TUSC3: variants seen among roughly 807,000 people sequenced by gnomAD.
The protein encoded by TUSC3 is dolichyl-diphosphooligosaccharide--protein glycosyltransferase subunit TUSC3.
A neutral mutation model predicts 44.8 loss-of-function variants in TUSC3; 45 were observed. The observed-to-expected ratio is 1.00, with a 90% CI of 0.79 to 1.29. TUSC3 has a LOEUF of 1.29. Among genes scored for constraint, TUSC3 ranks in the 50% most tolerant of loss-of-function variants. The probability of loss-of-function intolerance (pLI) is 0.00; values close to 1 mark genes in which losing one functional copy is unlikely to be tolerated. For synonymous variants in TUSC3, 212 were observed against 152.9 expected (o/e 1.39, Z -2.85); for missense variants, 519 against 437.9 (o/e 1.19, Z -1.65).
intron 1 of TUSC3, among the ~76,000 whole-genome samples, chr8:15,583,047 A>G (rs1317367490): frequency 3.9e-5 from 6 of 152,204 alleles, no homozygotes; most frequent in South Asian, 2.1e-4. Context: ...CTAGGTGACC[A>G]TGAAGTTGAT....
intron 1 of TUSC3, among the ~76,000 whole-genome samples, chr8:15,576,110 T>A (rs1015676706): frequency 3.3e-5 from 5 of 151,802 alleles, no homozygotes; most frequent in Admixed American, 6.6e-5. Context: ...TAATTAATGA[T>A]CTCTTGTTAA....
chr8:15,711,788 A>G (rs1157825998), intron 6 of TUSC3, among the ~76,000 whole-genome samples: 1 of 151,876 alleles, frequency 6.6e-6, no homozygotes, highest in African/African-American at 2.4e-5. Context: ...TGTATATTTA[A>G]GCTTTCCACT....
chr8:15,758,291 G>A (rs1390649361), intron 10 of TUSC3: 4 of 970,124 alleles, frequency 4.1e-6, no homozygotes, highest in Non-Finnish European at 2.5e-6. Flanking sequence ...TTAACTTACT[G>A]AAAACTTTTT....
chr8:15,662,477 C>T lies in TUSC3; in HGVS notation c.708+181C>T, dbSNP rs868496629. Among the ~76,000 whole-genome samples the T allele has an allele frequency of 5.1e-5, 5 of 98,360 alleles. No homozygotes were observed. The Middle Eastern group carries it at 0.015, about 289-fold the overall frequency. 64.5% of individuals were successfully genotyped at this position (98,360 alleles called of 152,430 possible). A position where few individuals can be genotyped will look rare whatever the true frequency, so the allele number is the denominator to read the frequency against. On this transcript the variant is annotated intron_variant, in intron 5 of 10. Transcript: ENST00000503731. ...CTGTCAATCAAAACTGTGCTATCTT[C>T]CTTCAACTTTTCACTGCATGTACTG...
At chr8:15,734,003 A>C (rs1043857953) in intron 7 of TUSC3, among the ~76,000 whole-genome samples, 1 of 152,188 alleles carries the variant, frequency 6.6e-6, no homozygotes, top group Admixed American at 6.5e-5. Context: ...GTGCTCACAC[A>C]CTACACTTGA....
chr8:15,492,535 G>A (rs151001726), intron 2 of TUSC3, among the ~76,000 whole-genome samples: 2 of 152,234 alleles, frequency 1.3e-5, no homozygotes, highest in Admixed American at 6.5e-5. Context: ...ACTTGAGGTG[G>A]TAAGAGACCT....
At chr8:15,757,719 G>A (rs995546628) in intron 9 of TUSC3, 72 bp from the exon 10 acceptor site, 8 of 1,467,638 alleles carry the variant, frequency 5.5e-6, no homozygotes, top group Non-Finnish European at 6.7e-6. Flanking sequence ...TAATAATATT[G>A]TACAAATGGA....
chr8:15,436,613 G>C (rs181975491), intron 1 of TUSC3, among the ~76,000 whole-genome samples: 18 of 152,144 alleles, frequency 1.2e-4, no homozygotes, highest in African/African-American at 4.3e-4. Flanking sequence ...TTAATCATGG[G>C]TTCAGATTGT....
intron 2 of TUSC3, among the ~76,000 whole-genome samples, chr8:15,511,269 G>A (rs1392258487): frequency 1.3e-5 from 2 of 151,986 alleles, no homozygotes; most frequent in East Asian, 1.9e-4. Context: ...AGAAAGGAAG[G>A]AGGAAGGAAG....
At chr8:15,627,986 C>A (rs902368514) in intron 2 of TUSC3, among the ~76,000 whole-genome samples, 1 of 152,256 alleles carries the variant, frequency 6.6e-6, no homozygotes, top group East Asian at 1.9e-4. Context: ...TCTGGCGAAG[C>A]GACACCCCAA....
At chr8:15,533,221 G>A (rs1000342396) in intron 2 of TUSC3, among the ~76,000 whole-genome samples, 2 of 152,202 alleles carry the variant, frequency 1.3e-5, no homozygotes, top group African/African-American at 2.4e-5. Flanking sequence ...ACATGGAACT[G>A]TAAGTCCATT....
chr8:15,511,940 C>T (rs1450868032), intron 2 of TUSC3, among the ~76,000 whole-genome samples: 1 of 151,936 alleles, frequency 6.6e-6, no homozygotes, highest in Non-Finnish European at 1.5e-5. Context: ...ATCAATTGAT[C>T]CTAAATTTAT....
Position 15,765,905 on chromosome 8 carries a change from A to G in TUSC3, c.*1749A>G, listed in dbSNP as rs1031243085. The G allele has an allele frequency of 1.3e-5, 2 of 152,072 alleles. No individual in the cohort carries two copies. The highest frequency in any genetic ancestry group is 2.9e-5 in the Non-Finnish European group (2 of 67,964). 9.4% of individuals were successfully genotyped at this position (152,072 alleles called of 1,614,324 possible). ...TACAAGTATTAAACATTTGTTAATT[A>G]TAATCACTTTTGTTTGTATCCTTAA... On this transcript the variant is annotated 3_prime_UTR_variant, in exon 11 of 11. Coordinates refer to ENST00000503731, the MANE Select transcript of TUSC3 (RefSeq NM_006765.4).
chr8:15,567,441 G>C (rs139445171), intron 1 of TUSC3, among the ~76,000 whole-genome samples: 117 of 152,176 alleles, frequency 7.7e-4, no homozygotes, highest in African/African-American at 2.7e-3. Context: ...CCCAGAGTAG[G>C]TACTTACTTA....
intron 6 of TUSC3, among the ~76,000 whole-genome samples, chr8:15,718,565 T>G (rs1437066774): frequency 6.6e-6 from 1 of 152,106 alleles, no homozygotes; most frequent in Non-Finnish European, 1.5e-5. Flanking sequence ...AAAGAGCTGT[T>G]GAATTTAACG....
chr8:15,756,210 T>G (rs1373896788), intron 9 of TUSC3, among the ~76,000 whole-genome samples: 1 of 152,176 alleles, frequency 6.6e-6, no homozygotes, highest in Non-Finnish European at 1.5e-5. Context: ...TTAACTAACT[T>G]TGGGGCTTAA....
chr8:15,796,981 T>A, the TUSC3 span, among the ~76,000 whole-genome samples: 2 of 152,198 alleles, frequency 1.3e-5, no homozygotes, highest in African/African-American at 4.8e-5. Flanking sequence ...GAGCCTCTGG[T>A]AGAGAAGCTG....
chr8:15,726,558 C>A (rs543874149), intron 6 of TUSC3, among the ~76,000 whole-genome samples: 31 of 152,144 alleles, frequency 2.0e-4, no homozygotes, highest in Non-Finnish European at 4.0e-4. Context: ...GTAATCCCAG[C>A]ACTTTGGGAG....
intron 2 of TUSC3, among the ~76,000 whole-genome samples, chr8:15,630,045 A>G (rs1182187303): frequency 2.6e-5 from 4 of 152,254 alleles, no homozygotes; most frequent in Middle Eastern, 3.4e-3. Context: ...TACTGTGGGG[A>G]ATATTCTTCA....
Sources: allele counts gnomAD v4.1 joint callset (sites outside exome capture counted in the v4.1 genomes callset), GRCh38; gene constraint gnomAD v4.1.1; transcripts MANE v1.5; gene names NCBI Gene and HGNC (gene_info 2026-07-23, HGNC 2026-07-21).